The following BCAP29 variants were observed in gnomAD, a reference collection of about 807,000 sequenced individuals.
BCAP29 encodes the protein B cell receptor associated protein 29.
Under a neutral mutation model 31.8 loss-of-function variants are expected in BCAP29, and 34 were observed. The observed-to-expected ratio is 1.07, with a 90% CI of 0.81 to 1.42. The LOEUF (loss-of-function observed/expected upper bound fraction) is 1.42. Among genes scored for constraint, BCAP29 ranks in the 40% most tolerant of loss-of-function variants. BCAP29 has a pLI of 0.00. For synonymous variants in BCAP29, 104 were observed against 91.3 expected, an observed-to-expected ratio of 1.14 and a Z score of -0.79; for missense variants, 314 against 269.2, an observed-to-expected ratio of 1.17 and a Z score of -1.16.
chr7:107,605,283 C>T lies in BCAP29; in HGVS notation c.589+4778C>T, dbSNP rs554061818. Among the ~76,000 whole-genome samples the T allele has an allele frequency of 2.7e-3, 407 of 152,288 alleles. 1 individual carries two copies. Among genetic ancestry groups the T allele is most frequent in the South Asian group, 5.0e-3 (24 of 4,826 alleles). ...GTACTAGCAAACATAACGATATCTA[C>T]CCTGAGGAGAAGCTTTTATAATCTC... On this transcript the variant is annotated intron_variant, in intron 6 of 7. Transcript: ENST00000005259.
chr7:107,617,743 G>A (rs931592901), intron 7 of BCAP29, among the ~76,000 whole-genome samples: 13 of 152,180 alleles, frequency 8.5e-5, no homozygotes, highest in Non-Finnish European at 1.2e-4. Flanking sequence ...GCCTGAACAA[G>A]AGCTTGACGA....
chr7:107,603,881 G>A (rs1283512031), intron 6 of BCAP29, among the ~76,000 whole-genome samples: 1 of 151,994 alleles, frequency 6.6e-6, no homozygotes. Flanking sequence ...TGGGATTACA[G>A]GCATGAACTG....
intron 3 of BCAP29, among the ~76,000 whole-genome samples, chr7:107,586,410 C>G (rs1043475163): frequency 1.3e-5 from 2 of 152,156 alleles, no homozygotes; most frequent in Non-Finnish European, 2.9e-5. Flanking sequence ...AAGCCTGCAT[C>G]TTTGGGTAAA....
intron 6 of BCAP29, among the ~76,000 whole-genome samples, chr7:107,611,844 C>T (rs1220075808): frequency 6.6e-6 from 1 of 152,162 alleles, no homozygotes; most frequent in Non-Finnish European, 1.5e-5. Context: ...TAGCCACTAG[C>T]TCACATGTGG....
intron 7 of BCAP29, chr7:107,615,298 G>T: frequency 6.6e-6 from 3 of 456,676 alleles, no homozygotes; most frequent in Non-Finnish European, 1.3e-5. Flanking sequence ...GAAGTAGAAA[G>T]CTTTTAAGAG....
intron 3 of BCAP29, among the ~76,000 whole-genome samples, chr7:107,584,205 A>G (rs1807212853): frequency 6.6e-6 from 1 of 152,206 alleles, no homozygotes; most frequent in African/African-American, 2.4e-5. Context: ...AACCCCTTCT[A>G]GGTTATTTTA....
intron 6 of BCAP29, among the ~76,000 whole-genome samples, chr7:107,608,265 A>G (rs1316282779): frequency 6.6e-6 from 1 of 151,592 alleles, no homozygotes; most frequent in Non-Finnish European, 1.5e-5. Flanking sequence ...ATCTGTGTAA[A>G]TTGTTTGGAA....
intron 5 of BCAP29, among the ~76,000 whole-genome samples, chr7:107,599,430 G>C (rs1299539215): frequency 6.9e-6 from 1 of 144,936 alleles, no homozygotes; most frequent in African/African-American, 2.5e-5. Flanking sequence ...TGAGATGGGA[G>C]GATCACTTAA....
At chr7:107,622,269 G>A (rs115631817), downstream of BCAP29, 2,213 of 166,050 alleles carry the variant, frequency 0.013, 57 homozygotes, top group African/African-American at 0.051. Context: ...TTGTCTTCCC[G>A]TTCTTTCCAA....
At chr7:107,583,192 C>G (rs1807015447) in intron 2 of BCAP29, among the ~76,000 whole-genome samples, 1 of 152,012 alleles carries the variant, frequency 6.6e-6, no homozygotes, top group African/African-American at 2.4e-5. Context: ...CATTTATAAC[C>G]CATGCTTTCT....
intron 4 of BCAP29, among the ~76,000 whole-genome samples, chr7:107,595,494 G>A (rs1585107586): frequency 1.3e-5 from 2 of 152,242 alleles, no homozygotes; most frequent in East Asian, 3.9e-4. Flanking sequence ...CGGCTTGTTT[G>A]ACCTTACACA....
At chr7:107,600,558 TGTACACTTC>T in intron 6 of BCAP29, 53 bp downstream of exon 6, 3 of 1,059,618 alleles carry the variant, frequency 2.8e-6, no homozygotes, top group Non-Finnish European at 4.2e-6. Context: ...TATTTTATGC[TGTACACTTC>T]ACTGTTTTTC....
At chr7:107,581,810 A>G (rs545498331) in intron 2 of BCAP29, among the ~76,000 whole-genome samples, 4 of 152,266 alleles carry the variant, frequency 2.6e-5, no homozygotes, top group Non-Finnish European at 2.9e-5. Flanking sequence ...GTCCTTCTCT[A>G]TCAGCTAAGC....
Position 107,618,746 on chromosome 7 carries a change from C to G in BCAP29, c.*383C>G, listed in dbSNP as rs1404151834. 3.3e-6 allele frequency: 2 copies of G among 612,186 alleles called. No homozygotes were observed. The highest frequency in any genetic ancestry group is 5.5e-6 in the Non-Finnish European group (2 of 364,620). The allele number at this position is 612,186 out of a possible 1,614,324, so 37.9% of individuals were successfully genotyped here. A position where few individuals can be genotyped will look rare whatever the true frequency, so the allele number is the denominator to read the frequency against. On this transcript the variant is annotated 3_prime_UTR_variant, in exon 8 of 8. Transcript: ENST00000005259. ...TTGATAAGTTTTCAGTAATAATAAC[C>G]TATTTAATCAGATGATGATGTGTTT...
chr7:107,594,835 T>C (rs1488264748), intron 4 of BCAP29, among the ~76,000 whole-genome samples: 1 of 152,066 alleles, frequency 6.6e-6, no homozygotes, highest in Non-Finnish European at 1.5e-5. Context: ...TGTAAAAGAA[T>C]TCAGATGATA....
rs905145928 is a variant in BCAP29, at chr7:107,613,391, A to G, written c.649A>G (p.Lys217Glu). 3.1e-6 allele frequency: 5 copies of G among 1,613,172 alleles called. No individual in the cohort carries two copies. Among genetic ancestry groups the G allele is most frequent in the Non-Finnish European group, 4.2e-6 (5 of 1,179,336 alleles). ...EMKMQSERLSKEYDQLLKEHS... is the reference protein window; with the variant it reads ...EMKMQSERLSEEYDQLLKEHS... ...GAAGATGCAGTCAGAGAGACTTTCG[A>G]AAGAATATGATCAACTCCTGAAAGA... The change falls in exon 7 of 8, where the codon AAA (lysine) becomes GAA (glutamate). Residue 217 changes from lysine to glutamate, a missense_variant. Transcript: ENST00000005259.
At position 107,618,666 on chromosome 7, in the gene BCAP29, G is replaced by A; in HGVS notation, c.*303G>A. Reference sequence around the variant, plus strand: ...AAAGGAAAAAATTCATTAACCGGTTGCTTCCAAAATTAGAAGTTTTAAGTT... The same window carrying A: ...AAAGGAAAAAATTCATTAACCGGTTACTTCCAAAATTAGAAGTTTTAAGTT... On this transcript the variant is annotated 3_prime_UTR_variant, in exon 8 of 8. Coordinates refer to ENST00000005259, the MANE Select transcript of BCAP29 (RefSeq NM_018844.4). 1 of 1,324,690 alleles carries A rather than the reference G, an allele frequency of 7.5e-7. No individual in the cohort carries two copies. The highest frequency in any genetic ancestry group is 2.3e-5 in the East Asian group (1 of 42,636). 82.1% of individuals were successfully genotyped at this position (1,324,690 alleles called of 1,614,324 possible).
At chr7:107,584,115 C>T in intron 3 of BCAP29, 133 bp downstream of exon 3, 1 of 475,088 alleles carries the variant, frequency 2.1e-6, no homozygotes. Flanking sequence ...AGAGTGGATA[C>T]TGATCTATTG....
intron 3 of BCAP29, among the ~76,000 whole-genome samples, chr7:107,588,201 A>G (rs1808058833): frequency 6.6e-6 from 1 of 152,214 alleles, no homozygotes; most frequent in Non-Finnish European, 1.5e-5. Flanking sequence ...TCATGGTATT[A>G]GAAACTAAGA....
Sources: allele counts gnomAD v4.1 joint callset (sites outside exome capture counted in the v4.1 genomes callset), GRCh38; gene constraint gnomAD v4.1.1; transcripts MANE v1.5; gene names NCBI Gene and HGNC (gene_info 2026-07-23, HGNC 2026-07-21).